REPS1: variants seen among roughly 807,000 people sequenced by gnomAD.
REPS1 encodes ralBP1-associated Eps domain-containing protein 1.
REPS1 carries 39 observed loss-of-function variants against 100.9 expected under a neutral mutation model. The observed-to-expected ratio is 0.39, with a 90% CI of 0.30 to 0.50. The LOEUF (loss-of-function observed/expected upper bound fraction) is 0.50, where lower values mean the gene tolerates loss of function less well. Among genes scored for constraint, REPS1 ranks in the 20% least tolerant of loss-of-function variants. The pLI, the probability that REPS1 is intolerant of heterozygous loss-of-function variation, is 0.86. For synonymous variants in REPS1, 324 were observed against 340.3 expected, an observed-to-expected ratio of 0.95 and a Z score of 0.53; for missense variants, 821 against 968.5, an observed-to-expected ratio of 0.85 and a Z score of 2.02.
intron 1 of REPS1, among the ~76,000 whole-genome samples, chr6:138,977,951 T>C (rs1477001430): frequency 2.6e-5 from 4 of 152,258 alleles, no homozygotes; most frequent in African/African-American, 7.2e-5. Flanking sequence ...CAGTGTGTGA[T>C]AGTATATCAC....
At chr6:138,942,607 A>C (rs1424335259) in intron 7 of REPS1, among the ~76,000 whole-genome samples, 1 of 151,816 alleles carries the variant, frequency 6.6e-6, no homozygotes, top group East Asian at 1.9e-4. Flanking sequence ...ACACCTTGCT[A>C]ATTTTTTTCT....
chr6:138,928,978 A>C (rs556810440), intron 9 of REPS1: 1 of 152,298 alleles, frequency 6.6e-6, no homozygotes, highest in South Asian at 2.1e-4. Context: ...AGCAGGAAAT[A>C]GTATAAAACC....
chr6:138,956,515 C>T (rs1284287902), intron 1 of REPS1, among the ~76,000 whole-genome samples: 2 of 151,684 alleles, frequency 1.3e-5, no homozygotes, highest in African/African-American at 2.4e-5. Flanking sequence ...AAGAATGAAA[C>T]GTTAGAGAAA....
chr6:138,979,457 CCT>C (rs1198375632), intron 1 of REPS1, among the ~76,000 whole-genome samples: 1 of 152,028 alleles, frequency 6.6e-6, no homozygotes, highest in Non-Finnish European at 1.5e-5. Context: ...ATCTATACAC[CCT>C]GTCTCTAGTT....
At chr6:138,905,217 A>C in intron 19 of REPS1, 85 bp from the exon 20 acceptor site, 1 of 822,062 alleles carries the variant, frequency 1.2e-6, no homozygotes, top group South Asian at 1.5e-5. Context: ...TCAAGAAAAC[A>C]ATTTAAATTT....
intron 1 of REPS1, among the ~76,000 whole-genome samples, chr6:138,981,635 T>C (rs1784959577): frequency 6.6e-6 from 1 of 152,212 alleles, no homozygotes. Context: ...GACTTTGTGC[T>C]ACTTTTAAAG....
At chr6:138,969,971 T>G (rs971584829) in intron 1 of REPS1, among the ~76,000 whole-genome samples, 2 of 148,800 alleles carry the variant, frequency 1.3e-5, no homozygotes, top group Non-Finnish European at 3.0e-5. Context: ...GGGGTGCCAG[T>G]AGGTCAATGC....
chr6:138,910,926 G>T (rs1184684489), intron 17 of REPS1: 1 of 163,224 alleles, frequency 6.1e-6, no homozygotes, highest in Non-Finnish European at 1.3e-5. Context: ...TAAAGAACAA[G>T]TTAAGAGAAC....
chr6:138,905,750 C>G (rs997835094), intron 19 of REPS1, among the ~76,000 whole-genome samples: 2 of 152,130 alleles, frequency 1.3e-5, no homozygotes, highest in African/African-American at 4.8e-5. Flanking sequence ...TAAACCCGCC[C>G]CCTGGTAGAT....
Position 138,912,894 on chromosome 6 carries a change from A to T in REPS1, c.1842T>A (p.Thr614=). The T allele has an allele frequency of 6.2e-7, 1 of 1,614,108 alleles. No individual in the cohort carries two copies. ...PVDADGLITH[T]STSPQQIPEQ... Reference sequence around the variant, plus strand: ...CTGGTATCTGCTGAGGTGAGGTACTAGTGTGAGTTATGAGGCCATCGGCAT... The same window carrying T: ...CTGGTATCTGCTGAGGTGAGGTACTTGTGTGAGTTATGAGGCCATCGGCAT... Residue 614 remains threonine, a synonymous_variant, in exon 16 of 20, where the codon ACT becomes ACA. Coordinates refer to ENST00000450536, the MANE Select transcript of REPS1 (RefSeq NM_001286611.2).
At chr6:138,930,144 GT>G in intron 8 of REPS1, 46 bp from the exon 9 acceptor site, 1 of 1,536,600 alleles carries the variant, frequency 6.5e-7, no homozygotes. Context: ...CTACATTGTA[GT>G]TTATTTTAGG....
intron 4 of REPS1, among the ~76,000 whole-genome samples, chr6:138,944,992 T>G (rs1434186569): frequency 2.6e-5 from 4 of 152,196 alleles, no homozygotes; most frequent in African/African-American, 9.7e-5. Flanking sequence ...AAACTTACAA[T>G]TAAAAACTAT....
Position 138,904,947 on chromosome 6 carries a change from C to A in REPS1, c.*117G>T, listed in dbSNP as rs1779533652. ...ACAACGGTGAACATATAGGGCAAAA[C>A]AGAATCATAAAATTTAATGTTGAGT... On this transcript the variant is annotated 3_prime_UTR_variant, in exon 20 of 20. Transcript: ENST00000450536. 1.3e-6 allele frequency: 1 copy of A among 766,644 alleles called. No individual in the cohort carries two copies. The highest frequency in any genetic ancestry group is 2.2e-6 in the Non-Finnish European group (1 of 451,240). The allele number at this position is 766,644 out of a possible 1,614,324, so 47.5% of individuals were successfully genotyped here.
intron 12 of REPS1, among the ~76,000 whole-genome samples, chr6:138,917,842 T>C (rs979464418): frequency 2.0e-5 from 3 of 152,122 alleles, no homozygotes; most frequent in Non-Finnish European, 4.4e-5. Context: ...AGTTATAGTC[T>C]AGAAAAAATA....
chr6:138,947,276 AT>A (rs1782697204), intron 2 of REPS1, among the ~76,000 whole-genome samples: 1 of 152,166 alleles, frequency 6.6e-6, no homozygotes, highest in African/African-American at 2.4e-5. Flanking sequence ...CTATAACTAG[AT>A]TTTAGTCTGC....
At chr6:138,951,199 GAAAAGAAAAGA>G (rs1328633774) in intron 1 of REPS1, 1 of 151,732 alleles carries the variant, frequency 6.6e-6, no homozygotes, top group African/African-American at 2.4e-5. Context: ...AAAAAAAAAA[GAAAAGAAAAGA>G]AAAAGAAAAG....
intron 8 of REPS1, among the ~76,000 whole-genome samples, chr6:138,937,431 C>T (rs990623293): frequency 6.6e-6 from 1 of 152,170 alleles, no homozygotes; most frequent in African/African-American, 2.4e-5. Context: ...CAGTGATTTA[C>T]TTGCACCAAG....
chr6:138,954,197 T>A (rs1370462555), intron 1 of REPS1, among the ~76,000 whole-genome samples: 4 of 150,584 alleles, frequency 2.7e-5, no homozygotes, highest in African/African-American at 9.8e-5. Flanking sequence ...AAGGGAGGAA[T>A]AAGGAGAGAT....
At chr6:138,952,485 C>A (rs1210551322) in intron 1 of REPS1, among the ~76,000 whole-genome samples, 1 of 151,980 alleles carries the variant, frequency 6.6e-6, no homozygotes, top group Non-Finnish European at 1.5e-5. Flanking sequence ...CTGCAACCTC[C>A]ACCTCCTGGG....
Sources: allele counts gnomAD v4.1 joint callset (sites outside exome capture counted in the v4.1 genomes callset), GRCh38; gene constraint gnomAD v4.1.1; transcripts MANE v1.5; gene names NCBI Gene and HGNC (gene_info 2026-07-23, HGNC 2026-07-21).